The following PLEKHG1 variants were observed in gnomAD, a reference collection of about 807,000 sequenced individuals.
The protein encoded by PLEKHG1 is pleckstrin homology and RhoGEF domain containing G1.
Under a neutral mutation model 100.8 loss-of-function variants are expected in PLEKHG1, and 44 were observed. The ratio of observed to expected loss-of-function variants is 0.44; its 90% confidence interval spans 0.34 to 0.56. PLEKHG1 has a LOEUF of 0.56. Among genes scored for constraint, PLEKHG1 ranks in the 20% least tolerant of loss-of-function variants. The pLI is 0.01. For missense variants in PLEKHG1, 1,545 were observed against 1,720.9 expected, an observed-to-expected ratio of 0.90 and a Z score of 1.81; for synonymous variants, 640 against 662.5, an observed-to-expected ratio of 0.97 and a Z score of 0.52.
intron 5 of PLEKHG1, among the ~76,000 whole-genome samples, chr6:150,800,181 T>G (rs1002352615): frequency 6.6e-6 from 1 of 152,032 alleles, no homozygotes; most frequent in Admixed American, 6.6e-5. Flanking sequence ...GGAAGAGGTC[T>G]CTAAGCAAGC....
intron 2 of PLEKHG1, among the ~76,000 whole-genome samples, chr6:150,740,700 A>G (rs962758737): frequency 2.0e-5 from 3 of 152,154 alleles, no homozygotes; most frequent in East Asian, 1.9e-4. Context: ...GCATCATTTA[A>G]TGTACTTTTT....
chr6:150,735,970 A>G (rs1295816041), intron 2 of PLEKHG1, among the ~76,000 whole-genome samples: 3 of 152,256 alleles, frequency 2.0e-5, no homozygotes, highest in Admixed American at 6.5e-5. Context: ...TTCTATGTGA[A>G]GCTGTCCACG....
chr6:150,836,187 G>A (rs2128691967), intron 15 of PLEKHG1, among the ~76,000 whole-genome samples: 1 of 152,152 alleles, frequency 6.6e-6, no homozygotes, highest in South Asian at 2.1e-4. Context: ...GACCAGCCTG[G>A]TCAACATGGT....
At chr6:150,752,199 A>G (rs1321990442) in intron 2 of PLEKHG1, among the ~76,000 whole-genome samples, 1 of 152,176 alleles carries the variant, frequency 6.6e-6, no homozygotes, top group Non-Finnish European at 1.5e-5. Flanking sequence ...AAAAAATAAA[A>G]TAAAATATAT....
chr6:150,681,204 G>A (rs975452091), intron 3 of PLEKHG1, among the ~76,000 whole-genome samples: 2 of 152,152 alleles, frequency 1.3e-5, no homozygotes, highest in Admixed American at 1.3e-4. Context: ...TTCAGCCTGG[G>A]TAGTGGTTAT....
At chr6:150,664,242 A>G (rs1373751298) in intron 3 of PLEKHG1, 2 of 152,220 alleles carry the variant, frequency 1.3e-5, no homozygotes, top group Admixed American at 6.5e-5. Context: ...CAGCCTTTCA[A>G]TACATATTGT....
intron 1 of PLEKHG1, among the ~76,000 whole-genome samples, chr6:150,630,466 G>A (rs963503367): frequency 3.9e-5 from 6 of 152,108 alleles, no homozygotes; most frequent in African/African-American, 1.4e-4. Context: ...TTAGTTGTGG[G>A]GCATTGGAAA....
intron 3 of PLEKHG1, among the ~76,000 whole-genome samples, chr6:150,776,354 T>C (rs1325796246): frequency 6.6e-6 from 1 of 152,304 alleles, no homozygotes; most frequent in Non-Finnish European, 1.5e-5. Flanking sequence ...CTAGTGTACA[T>C]GTGCGGTTGC....
In PLEKHG1 at chr6:150,666,748, C is replaced by T. The variant is rs575499864; in HGVS notation, c.-99+15962C>T. Among the ~76,000 whole-genome samples the T allele has an allele frequency of 1.3e-4, 19 of 151,966 alleles. No homozygotes were observed. The South Asian group carries it at 2.7e-3, about 22-fold the overall frequency. The stretch of plus-strand genomic sequence containing the variant: ...TAGCTTCATACAGTTGCCATCATAC[C>T]AGCTGCATTGATAATTTTTTTTTTT... On this transcript the variant is annotated intron_variant, in intron 3 of 3. Coordinates refer to the PLEKHG1 transcript ENST00000367326.
rs374515535 is a variant in PLEKHG1, at chr6:150,802,665, T to TTTC, written c.780+1798_780+1799insCTT. Among the ~76,000 whole-genome samples the TTTC allele has an allele frequency of 2.7e-3, 8 of 2,924 alleles. 1 individual carries two copies. Among genetic ancestry groups the TTTC allele is most frequent in the Non-Finnish European group, 3.0e-3 (5 of 1,656 alleles). The allele number at this position is 2,924 out of a possible 152,430, so 1.9% of individuals were successfully genotyped here. ...GGCTCCCTCTATGTCATTCACATCATTTTTTTTTTTTTTTGAGATGGAGTT... is the reference window on the plus strand; with the variant it reads ...GGCTCCCTCTATGTCATTCACATCATTTCTTTTTTTTTTTTTTGAGATGGAGTT... On this transcript the variant is annotated intron_variant, in intron 6 of 15. Coordinates refer to ENST00000358517, the Ensembl canonical transcript of PLEKHG1.
chr6:150,792,138 CT>C (rs1786017092), intron 4 of PLEKHG1, among the ~76,000 whole-genome samples: 1 of 152,054 alleles, frequency 6.6e-6, no homozygotes, highest in Non-Finnish European at 1.5e-5. Flanking sequence ...GTATTTTATC[CT>C]TTAAAAAAAA....
Position 150,683,373 on chromosome 6 carries a change from G to A in PLEKHG1, c.-99+32587G>A, listed in dbSNP as rs1227083774. Reference sequence around the variant, plus strand: ...TGAGTCCCTTTTCTTGAGAGGAGAGGGGGTGTATATTACAATAAGACAGGT... The same window carrying A: ...TGAGTCCCTTTTCTTGAGAGGAGAGAGGGTGTATATTACAATAAGACAGGT... On this transcript the variant is annotated intron_variant, in intron 3 of 3. Coordinates refer to the PLEKHG1 transcript ENST00000367326. The surrounding 1 kb of genome is among the most constrained non-coding windows in gnomAD (Gnocchi z 4.0). Among the ~76,000 whole-genome samples the A allele has an allele frequency of 6.6e-6, 1 of 151,894 alleles. No individual in the cohort carries two copies. The highest frequency in any genetic ancestry group is 6.6e-5 in the Admixed American group (1 of 15,248).
chr6:150,704,616 A>G (rs1009529903), intron 3 of PLEKHG1, among the ~76,000 whole-genome samples: 1 of 152,240 alleles, frequency 6.6e-6, no homozygotes, highest in Non-Finnish European at 1.5e-5. Flanking sequence ...ACCTTTGCCC[A>G]TTCCTGGGCC....
intron 2 of PLEKHG1, among the ~76,000 whole-genome samples, chr6:150,750,306 G>C (rs911414430): frequency 6.6e-6 from 1 of 152,116 alleles, no homozygotes; most frequent in Non-Finnish European, 1.5e-5. Flanking sequence ...TCTTTCTAAA[G>C]CCGAGGTTGC....
chr6:150,766,325 G>T (rs1270923102), intron 2 of PLEKHG1, among the ~76,000 whole-genome samples: 1 of 152,198 alleles, frequency 6.6e-6, no homozygotes, highest in East Asian at 1.9e-4. Context: ...AGCATGACAG[G>T]CTCTAATAAA....
At chr6:150,772,983 A>G (rs1418435672) in intron 3 of PLEKHG1, among the ~76,000 whole-genome samples, 2 of 152,176 alleles carry the variant, frequency 1.3e-5, no homozygotes, top group Non-Finnish European at 2.9e-5. Context: ...TTTAACTTTA[A>G]TTATGGTTTA....
chr6:150,687,371 T>A (rs1208546333), intron 3 of PLEKHG1, among the ~76,000 whole-genome samples: 1 of 152,214 alleles, frequency 6.6e-6, no homozygotes, highest in Admixed American at 6.5e-5. Context: ...ATGTCTGGAA[T>A]GGGAGATGTG....
chr6:150,610,676 A>G (rs763201669), intron 1 of PLEKHG1, among the ~76,000 whole-genome samples: 5 of 152,228 alleles, frequency 3.3e-5, no homozygotes, highest in African/African-American at 4.8e-5. Context: ...CCACTAGAGC[A>G]ATCCAACAGA....
At chr6:150,621,704 C>T (rs551829980) in intron 1 of PLEKHG1, among the ~76,000 whole-genome samples, 4 of 152,204 alleles carry the variant, frequency 2.6e-5, no homozygotes, top group Admixed American at 6.5e-5. Context: ...ACTATAAGCC[C>T]GCAATTTGAA....
Sources: gnomAD v4.1 joint callset for allele counts (sites outside exome capture counted in the v4.1 genomes callset) on GRCh38, gnomAD v4.1.1 for gene constraint, Gnocchi (gnomAD v3.1) non-coding constraint, MANE v1.5 for transcripts, NCBI Gene and HGNC (gene_info 2026-07-23, HGNC 2026-07-21) for gene names.